The following PCDH15 variants were observed in gnomAD, a reference collection of about 807,000 sequenced individuals.
PCDH15 encodes the protein protocadherin related 15.
PCDH15 carries 129 observed loss-of-function variants against 178.5 expected under a neutral mutation model. The observed-to-expected ratio is 0.72, with a 90% CI of 0.63 to 0.84. PCDH15 has a LOEUF of 0.84. PCDH15 is among the 40% of genes least tolerant of loss of function. The probability of loss-of-function intolerance (pLI) is 0.00; values close to 1 mark genes in which losing one functional copy is unlikely to be tolerated. For synonymous variants in PCDH15, 800 were observed against 732.0 expected, an observed-to-expected ratio of 1.09 and a Z score of -1.50; for missense variants, 2,230 against 2,099.9, an observed-to-expected ratio of 1.06 and a Z score of -1.21.
intron 2 of PCDH15, among the ~76,000 whole-genome samples, chr10:54,966,310 C>A (rs1838787265): frequency 1.3e-5 from 2 of 151,874 alleles, no homozygotes; most frequent in African/African-American, 4.8e-5. Context: ...ATTTTTATAG[C>A]TTTATCAAGC....
At position 55,411,485 on chromosome 10, in the gene PCDH15, C is replaced by T. The variant is rs182784119; in HGVS notation, c.-156+216140G>A. ...CTACTTGGGTAATAATTAGGGTATACTCTCTCCAAGGCATAGTTAACACTT... is the reference window on the plus strand; with the variant it reads ...CTACTTGGGTAATAATTAGGGTATATTCTCTCCAAGGCATAGTTAACACTT... On this transcript the variant is annotated intron_variant, in intron 2 of 5. Coordinates refer to the PCDH15 transcript ENST00000613346. Among the ~76,000 whole-genome samples, 18 of 152,148 alleles carry T rather than the reference C, an allele frequency of 1.2e-4. No homozygotes were observed. The East Asian group carries it at 3.3e-3, about 28-fold the overall frequency.
chr10:55,567,772 T>TACCCA (rs1162274027), intron 2 of PCDH15, among the ~76,000 whole-genome samples: 2 of 151,866 alleles, frequency 1.3e-5, no homozygotes, highest in East Asian at 3.9e-4. Flanking sequence ...GATGACTGGG[T>TACCCA]GTTCACACAC....
At chr10:55,296,811 T>C (rs1055308645) in intron 1 of PCDH15, among the ~76,000 whole-genome samples, 3 of 152,134 alleles carry the variant, frequency 2.0e-5, no homozygotes, top group African/African-American at 7.2e-5. Context: ...ATCACTACCA[T>C]CATAGTCAAA....
chr10:54,273,554 A>T (rs1445634113), intron 8 of PCDH15, among the ~76,000 whole-genome samples: 1 of 152,122 alleles, frequency 6.6e-6, no homozygotes, highest in Non-Finnish European at 1.5e-5. Flanking sequence ...ACAAGAAAAC[A>T]TTATCAACTT....
chr10:55,506,740 A>G (rs1007614938), intron 2 of PCDH15, among the ~76,000 whole-genome samples: 3 of 151,606 alleles, frequency 2.0e-5, no homozygotes, highest in African/African-American at 7.3e-5. Flanking sequence ...GTGCATATAC[A>G]GAATATAATA....
chr10:54,546,015 G>A (rs1484601081), intron 2 of PCDH15, among the ~76,000 whole-genome samples: 1 of 152,196 alleles, frequency 6.6e-6, no homozygotes, highest in Non-Finnish European at 1.5e-5. Flanking sequence ...GGTTCTTTGG[G>A]GGCAGCTGTG....
In PCDH15 at chr10:54,835,755, A is replaced by C. The variant is rs185891121; in HGVS notation, c.-29+61695T>G. Reference sequence around the variant, plus strand: ...TCATCAATATTCAGAAAAATATATAAAATTGTAAAATTTAAAATCACATAG... The same window carrying C: ...TCATCAATATTCAGAAAAATATATACAATTGTAAAATTTAAAATCACATAG... On this transcript the variant is annotated intron_variant, in intron 3 of 5. Coordinates refer to the PCDH15 transcript ENST00000458638. 1.3e-3 allele frequency among the ~76,000 whole-genome samples: 197 copies of C among 152,300 alleles called. 1 individual carries two copies. Among genetic ancestry groups the C allele is most frequent in the Non-Finnish European group, 2.2e-3 (153 of 68,030 alleles).
At chr10:54,544,537 C>T (rs1421171927) in intron 2 of PCDH15, among the ~76,000 whole-genome samples, 1 of 152,158 alleles carries the variant, frequency 6.6e-6, no homozygotes, top group African/African-American at 2.4e-5. Context: ...ATATCTGCTG[C>T]TATTTATGAG....
At chr10:54,076,255 CA>C (rs1229197820) in intron 17 of PCDH15, among the ~76,000 whole-genome samples, 1 of 152,064 alleles carries the variant, frequency 6.6e-6, no homozygotes, top group Non-Finnish European at 1.5e-5. Flanking sequence ...TTAACTCATT[CA>C]TTTTCAATCT....
At chr10:54,749,321 A>G (rs1451322619) in intron 1 of PCDH15, among the ~76,000 whole-genome samples, 1 of 152,212 alleles carries the variant, frequency 6.6e-6, no homozygotes, top group Non-Finnish European at 1.5e-5. Context: ...AATATATATT[A>G]CAAAGTAGTT....
In PCDH15 at chr10:54,289,866, A is replaced by C. The variant is rs544300521; in HGVS notation, c.876+27405T>G. Among the ~76,000 whole-genome samples the C allele has an allele frequency of 6.6e-5, 10 of 152,284 alleles. No individual in the cohort carries two copies. The East Asian group carries it at 1.9e-3, about 29-fold the overall frequency. ...TAGAGAAAAAGGAGTAAAAAGAAAC[A>C]AACAAAGCCTCCAAGAAATATAGGA... On this transcript the variant is annotated intron_variant, in intron 8 of 37. Transcript: ENST00000644397.
intron 37 of PCDH15, among the ~76,000 whole-genome samples, chr10:53,810,183 A>G (rs981138307): frequency 6.6e-6 from 1 of 152,182 alleles, no homozygotes. Flanking sequence ...GGTGGAGACT[A>G]TATTTTTTCA....
intron 13 of PCDH15, among the ~76,000 whole-genome samples, chr10:54,168,032 C>T (rs2046448721): frequency 6.6e-6 from 1 of 151,936 alleles, no homozygotes; most frequent in East Asian, 1.9e-4. Context: ...ACCCTCCATT[C>T]CTCCTTCTAC....
intron 16 of PCDH15, among the ~76,000 whole-genome samples, chr10:54,085,838 C>T (rs1406422548): frequency 1.3e-5 from 2 of 152,018 alleles, no homozygotes; most frequent in Admixed American, 6.6e-5. Context: ...TTTTGGCATA[C>T]TTTTATTTCA....
chr10:54,085,799 A>G (rs1215783142), intron 16 of PCDH15, among the ~76,000 whole-genome samples: 7 of 152,146 alleles, frequency 4.6e-5, no homozygotes, highest in Non-Finnish European at 1.0e-4. Flanking sequence ...ATTCATTACT[A>G]CTAATTTTTT....
intron 5 of PCDH15, among the ~76,000 whole-genome samples, chr10:54,347,279 C>T (rs972466486): frequency 3.9e-5 from 6 of 152,040 alleles, no homozygotes; most frequent in African/African-American, 1.4e-4. Flanking sequence ...TGAAATACTA[C>T]TCATTAGTTA....
chr10:54,191,987 G>A (rs1427571789), intron 11 of PCDH15, among the ~76,000 whole-genome samples: 3 of 139,194 alleles, frequency 2.2e-5, no homozygotes, highest in African/African-American at 8.0e-5. Context: ...AGGAAGGGAC[G>A]GGGGGAAGGA....
chr10:53,850,340 T>A (rs946614241), intron 28 of PCDH15, among the ~76,000 whole-genome samples: 6 of 152,168 alleles, frequency 3.9e-5, no homozygotes, highest in Admixed American at 6.5e-5. Context: ...TAGCTTTTAA[T>A]TGTATAATTG....
chr10:55,101,948 T>C (rs1842585477), intron 2 of PCDH15, among the ~76,000 whole-genome samples: 1 of 151,760 alleles, frequency 6.6e-6, no homozygotes, highest in Non-Finnish European at 1.5e-5. Flanking sequence ...TTTTATAAAA[T>C]GTTATATATC....
Sources: gnomAD v4.1 joint callset for allele counts (sites outside exome capture counted in the v4.1 genomes callset) on GRCh38, gnomAD v4.1.1 for gene constraint, MANE v1.5 for transcripts, NCBI Gene and HGNC (gene_info 2026-07-23, HGNC 2026-07-21) for gene names.